CSMD3: variants seen among roughly 807,000 people sequenced by gnomAD.
CSMD3 encodes the protein CUB and sushi domain-containing protein 3.
CSMD3 carries 177 observed loss-of-function variants against 435.2 expected under a neutral mutation model. The observed-to-expected ratio is 0.41, with a 90% confidence interval of 0.36 to 0.46. The LOEUF (loss-of-function observed/expected upper bound fraction) is 0.46. CSMD3 is among the 20% of genes least tolerant of loss of function. The probability of loss-of-function intolerance (pLI) is 0.34; values close to 1 mark genes in which losing one functional copy is unlikely to be tolerated. For synonymous variants in CSMD3, 1,656 were observed against 1,520.5 expected (o/e 1.09, Z -2.07); for missense variants, 4,265 against 4,504.6 (o/e 0.95, Z 1.52).
At position 112,281,366 on chromosome 8, in the gene CSMD3, T is replaced by A; in HGVS notation, c.9332-16A>T. On this transcript the variant is annotated splice_polypyrimidine_tract_variant and intron_variant, in intron 58 of 70. Coordinates refer to ENST00000297405, the MANE Select transcript of CSMD3 (RefSeq NM_198123.2). Reference sequence around the variant, plus strand: ...CACTGCACAGCTATAAAACAAAGTGTTTAAGAGTATATATAAAAAATGCAA... The same window carrying A: ...CACTGCACAGCTATAAAACAAAGTGATTAAGAGTATATATAAAAAATGCAA... The A allele has an allele frequency of 1.2e-6, 2 of 1,604,076 alleles. No individual in the cohort carries two copies. Among genetic ancestry groups the A allele is most frequent in the Non-Finnish European group, 1.7e-6 (2 of 1,171,418 alleles).
intron 5 of CSMD3, among the ~76,000 whole-genome samples, chr8:113,033,582 TTTTTGC>T (rs1253751436): frequency 3.1e-4 from 47 of 151,122 alleles, no homozygotes; most frequent in Admixed American, 5.9e-4. Context: ...TTTTTTTTTT[TTTTTGC>T]TTTTGCTTTT....
chr8:112,342,301 A>G (rs1328150881), intron 41 of CSMD3, among the ~76,000 whole-genome samples: 1 of 152,150 alleles, frequency 6.6e-6, no homozygotes, highest in Non-Finnish European at 1.5e-5. Context: ...TGTAATCTCA[A>G]TATCTTTATA....
intron 20 of CSMD3, among the ~76,000 whole-genome samples, chr8:112,642,267 G>C (rs560290632): frequency 1.3e-5 from 2 of 151,834 alleles, no homozygotes; most frequent in African/African-American, 2.4e-5. Flanking sequence ...AAAGTCTAAG[G>C]GTTTTTCCTG....
chr8:112,809,194 A>G (rs774523197), intron 12 of CSMD3, among the ~76,000 whole-genome samples: 2 of 152,124 alleles, frequency 1.3e-5, no homozygotes, highest in African/African-American at 2.4e-5. Flanking sequence ...TCTTTCCTAG[A>G]ATCCCTAAGA....
intron 16 of CSMD3, 55 bp from the exon 17 acceptor site, chr8:112,666,470 A>G: frequency 6.8e-7 from 1 of 1,470,636 alleles, no homozygotes; most frequent in Non-Finnish European, 9.4e-7. Flanking sequence ...AATCGCAGAT[A>G]TTATTCTTAA....
chr8:112,773,090 C>T (rs1012787657), intron 13 of CSMD3, among the ~76,000 whole-genome samples: 1 of 152,008 alleles, frequency 6.6e-6, no homozygotes, highest in African/African-American at 2.4e-5. Context: ...TTTTCCAAGT[C>T]TCTCATTCCA....
At chr8:113,278,802 AT>A in intron 2 of CSMD3, 98 bp from the exon 3 acceptor site, 1 of 679,270 alleles carries the variant, frequency 1.5e-6, no homozygotes, top group Non-Finnish European at 2.7e-6. Flanking sequence ...AATAAAACAG[AT>A]TTTCTCCTAT....
At chr8:112,742,889 T>C (rs1306827074) in intron 13 of CSMD3, among the ~76,000 whole-genome samples, 1 of 152,052 alleles carries the variant, frequency 6.6e-6, no homozygotes, top group Non-Finnish European at 1.5e-5. Context: ...GCTTAATGGA[T>C]GTGTGGCCTG....
At chr8:113,127,382 A>G (rs1402056707) in intron 4 of CSMD3, among the ~76,000 whole-genome samples, 2 of 152,042 alleles carry the variant, frequency 1.3e-5, no homozygotes, top group Admixed American at 1.3e-4. Context: ...TCATTTAATC[A>G]GCCATCCTTG....
At chr8:112,317,414 G>A (rs553086326) in intron 47 of CSMD3, among the ~76,000 whole-genome samples, 1 of 152,092 alleles carries the variant, frequency 6.6e-6, no homozygotes, top group African/African-American at 2.4e-5. Flanking sequence ...CAGAAATGCT[G>A]TTATGTAATT....
intron 4 of CSMD3, among the ~76,000 whole-genome samples, chr8:113,155,299 C>T (rs1009186022): frequency 6.6e-6 from 1 of 151,986 alleles, no homozygotes; most frequent in African/African-American, 2.4e-5. Context: ...ATAAGGATGA[C>T]TTCACAGGGC....
intron 61 of CSMD3, among the ~76,000 whole-genome samples, chr8:112,257,264 A>G (rs1207365653): frequency 2.0e-5 from 3 of 151,978 alleles, no homozygotes; most frequent in Non-Finnish European, 4.4e-5. Context: ...AAAAACAAGT[A>G]TTGGAAGTTC....
chr8:112,337,614 A>G lies in CSMD3; in HGVS notation c.6770T>C (p.Ile2257Thr), dbSNP rs746042011. Reference sequence around the variant, plus strand: ...AAGGCATGTGAGAGCTGAATTTCCAATTAATGTGTATCCTGGGAAACATTC... The same window carrying G: ...AAGGCATGTGAGAGCTGAATTTCCAGTTAATGTGTATCCTGGGAAACATTC... ...SFECFPGYTL[I>T]GNSALTCLHG... The change falls in exon 43 of 71, where the codon ATT becomes ACT. Residue 2257 changes from isoleucine (I) to threonine (T), a missense_variant. Around this residue, in one of 3 missense-constraint regions of CSMD3, gnomAD observed 3,255 missense variants for 3,380.2 expected, o/e 0.96. Coordinates refer to ENST00000297405, the MANE Select transcript of CSMD3 (RefSeq NM_198123.2). The G allele has an allele frequency of 6.2e-7, 1 of 1,613,712 alleles. No homozygotes were observed. Among genetic ancestry groups the G allele is most frequent in the Non-Finnish European group, 8.5e-7 (1 of 1,179,614 alleles).
intron 4 of CSMD3, among the ~76,000 whole-genome samples, chr8:113,140,880 G>C (rs2091532309): frequency 6.6e-6 from 1 of 150,672 alleles, no homozygotes; most frequent in African/African-American, 2.4e-5. Context: ...GTAAGCAGAA[G>C]TAAGTAAATA....
chr8:112,420,380 T>C (rs1171892387), intron 32 of CSMD3, among the ~76,000 whole-genome samples: 1 of 152,168 alleles, frequency 6.6e-6, no homozygotes, highest in Non-Finnish European at 1.5e-5. Flanking sequence ...CTTTAAAAAA[T>C]AGCCACAATA....
chr8:113,034,997 A>T (rs1309318151), intron 5 of CSMD3, among the ~76,000 whole-genome samples: 1 of 152,050 alleles, frequency 6.6e-6, no homozygotes, highest in Non-Finnish European at 1.5e-5. Context: ...CCAGAACATT[A>T]ACAGCACATA....
At chr8:112,860,628 G>C (rs2080800692) in intron 10 of CSMD3, among the ~76,000 whole-genome samples, 4 of 151,538 alleles carry the variant, frequency 2.6e-5, no homozygotes, top group Middle Eastern at 6.8e-3. Context: ...GCTAAATGTA[G>C]TATCTCTTCA....
intron 17 of CSMD3, 124 bp from the exon 18 acceptor site, chr8:112,656,465 G>T: frequency 1.6e-6 from 1 of 639,422 alleles, no homozygotes; most frequent in African/African-American, 1.9e-5. Flanking sequence ...ATTTTCTTTA[G>T]CTTATCTAAT....
chr8:112,943,563 GAT>G (rs1009236967), intron 9 of CSMD3, among the ~76,000 whole-genome samples: 2 of 151,522 alleles, frequency 1.3e-5, no homozygotes, highest in African/African-American at 4.8e-5. Context: ...CCCAAGAAAA[GAT>G]ATAACTTTTA....
Sources: gnomAD v4.1 joint callset for allele counts (sites outside exome capture counted in the v4.1 genomes callset) on GRCh38, gnomAD v4.1.1 for gene constraint, gnomAD v4.1.1 regional missense constraint, MANE v1.5 for transcripts, NCBI Gene and HGNC (gene_info 2026-07-23, HGNC 2026-07-21) for gene names.